The following XPO6 variants were observed in gnomAD, a reference collection of about 807,000 sequenced individuals.
The protein encoded by XPO6 is exportin 6.
In XPO6, 3 loss-of-function variants were observed where a neutral mutation model predicts 130.0. That is an observed-to-expected ratio of 0.02 (90% CI 0.01 to 0.06). The LOEUF is 0.06. XPO6 is among the 10% of genes least tolerant of loss of function. XPO6 has a pLI of 1.00. For missense variants in XPO6, 970 were observed against 1,393.0 expected (o/e 0.70, Z 4.83); for synonymous variants, 524 against 548.9 (o/e 0.95, Z 0.63).
At chr16:28,203,275 C>CAA (rs1217549078) in intron 1 of XPO6, among the ~76,000 whole-genome samples, 4 of 76,244 alleles carry the variant, frequency 5.2e-5, no homozygotes, top group Admixed American at 1.5e-4. Flanking sequence ...GACCCCATCT[C>CAA]AAAAAAAAAA....
chr16:28,156,629 T>C, intron 6 of XPO6, 102 bp from the exon 7 acceptor site: 2 of 682,302 alleles, frequency 2.9e-6, no homozygotes, highest in Non-Finnish European at 4.3e-6. Flanking sequence ...TGTATACATA[T>C]ATGTATCAGT....
intron 21 of XPO6, among the ~76,000 whole-genome samples, chr16:28,102,384 C>G (rs770152805): frequency 1.3e-5 from 2 of 152,176 alleles, no homozygotes; most frequent in Non-Finnish European, 1.5e-5. Context: ...GGAGGTTAAG[C>G]CTCTGCCTGG....
intron 12 of XPO6, chr16:28,126,753 TCAGAGACCTGCAGGAA>T (rs1287827090): frequency 3.3e-5 from 5 of 152,248 alleles, no homozygotes; most frequent in East Asian, 3.9e-4. Context: ...GTAAGAATTT[TCAGAGACCTGCAGGAA>T]CAGAGACCTG....
chr16:28,190,487 G>T lies in XPO6; in HGVS notation c.4-9456C>A, dbSNP rs183933103. On this transcript the variant is annotated intron_variant, in intron 1 of 23. Coordinates refer to ENST00000304658, the MANE Select transcript of XPO6 (RefSeq NM_015171.4). ...ATACCGCCCACCTCGGCCTCCCAAAGTGCTGGGATTACAGGCCTGAGCCAG... is the reference window on the plus strand; with the variant it reads ...ATACCGCCCACCTCGGCCTCCCAAATTGCTGGGATTACAGGCCTGAGCCAG... 2.0e-5 allele frequency among the ~76,000 whole-genome samples: 3 copies of T among 152,240 alleles called. No individual in the cohort carries two copies. In the East Asian group the frequency reaches 5.8e-4, roughly 29 times the overall value.
At chr16:28,165,994 T>C (rs2043350501) in intron 6 of XPO6, among the ~76,000 whole-genome samples, 1 of 152,240 alleles carries the variant, frequency 6.6e-6, no homozygotes, top group Admixed American at 6.5e-5. Flanking sequence ...TCTGCAAATA[T>C]GCCCCGCTTT....
chr16:28,183,116 C>T (rs984482072), intron 1 of XPO6, among the ~76,000 whole-genome samples: 1 of 152,140 alleles, frequency 6.6e-6, no homozygotes, highest in Non-Finnish European at 1.5e-5. Flanking sequence ...CAATCAACCA[C>T]CACCATTTAT....
intron 8 of XPO6, among the ~76,000 whole-genome samples, chr16:28,146,830 G>A (rs2042991277): frequency 6.6e-6 from 1 of 152,228 alleles, no homozygotes; most frequent in Non-Finnish European, 1.5e-5. Context: ...GTGCTGATGT[G>A]GAGGAACAAA....
Position 28,128,144 on chromosome 16 carries a change from C to T in XPO6, c.1607-2296G>A, listed in dbSNP as rs183223657. Among the ~76,000 whole-genome samples, 36 of 152,302 alleles carry T rather than the reference C, an allele frequency of 2.4e-4. No homozygotes were observed. The East Asian group carries it at 6.4e-3, about 27-fold the overall frequency. On this transcript the variant is annotated intron_variant, in intron 12 of 23. Coordinates refer to ENST00000304658, the MANE Select transcript of XPO6 (RefSeq NM_015171.4). Reference sequence around the variant, plus strand: ...AGTTAACTGAAGTGCCAAAATTATACACCCTCTGAATGTCAATGGGATTTT... The same window carrying T: ...AGTTAACTGAAGTGCCAAAATTATATACCCTCTGAATGTCAATGGGATTTT...
intron 14 of XPO6, 84 bp downstream of exon 14, chr16:28,121,586 T>G: frequency 9.8e-7 from 1 of 1,024,316 alleles, no homozygotes; most frequent in Non-Finnish European, 1.5e-6. Context: ...CAGCCACTAC[T>G]GTTCCTTTTT....
chr16:28,195,614 G>A (rs1297304454), intron 1 of XPO6, among the ~76,000 whole-genome samples: 1 of 152,162 alleles, frequency 6.6e-6, no homozygotes, highest in Non-Finnish European at 1.5e-5. Context: ...TTAGCCAGGT[G>A]TGGTGGCGTG....
intron 9 of XPO6, among the ~76,000 whole-genome samples, chr16:28,144,199 T>G (rs10521144): frequency 0.051 from 7,834 of 152,258 alleles, 534 homozygotes; most frequent in East Asian, 0.18. Flanking sequence ...TGTAATACGA[T>G]TTCTGATATA....
intron 1 of XPO6, among the ~76,000 whole-genome samples, chr16:28,204,296 G>T (rs980802085): frequency 2.0e-5 from 3 of 152,020 alleles, no homozygotes; most frequent in Non-Finnish European, 4.4e-5. Flanking sequence ...AGTAAAGCAG[G>T]ATGTCAGGGA....
chr16:28,202,331 G>A (rs139010412), intron 1 of XPO6, among the ~76,000 whole-genome samples: 2 of 152,342 alleles, frequency 1.3e-5, no homozygotes, highest in Non-Finnish European at 2.9e-5. Flanking sequence ...GGAACCCTCT[G>A]CTCTGAATGA....
At chr16:28,150,856 G>T (rs2043073502) in intron 8 of XPO6, among the ~76,000 whole-genome samples, 1 of 151,950 alleles carries the variant, frequency 6.6e-6, no homozygotes, top group African/African-American at 2.4e-5. Flanking sequence ...CACCTCTGAT[G>T]CTTCTCCCCT....
At chr16:28,187,308 G>A (rs2043710933) in intron 1 of XPO6, among the ~76,000 whole-genome samples, 1 of 152,146 alleles carries the variant, frequency 6.6e-6, no homozygotes, top group Admixed American at 6.5e-5. Context: ...TTACAGTACA[G>A]ATCAGGTCAT....
chr16:28,119,534 G>A (rs370845613), intron 14 of XPO6, among the ~76,000 whole-genome samples: 23 of 152,174 alleles, frequency 1.5e-4, no homozygotes, highest in African/African-American at 3.6e-4. Context: ...TCTGCAAAAG[G>A]TCCTCAGTCA....
At chr16:28,108,350 C>T (rs751889393) in intron 17 of XPO6, among the ~76,000 whole-genome samples, 10 of 152,132 alleles carry the variant, frequency 6.6e-5, no homozygotes, top group Non-Finnish European at 1.3e-4. Flanking sequence ...TGTAGTGGGC[C>T]GCAAACAGGC....
chr16:28,205,433 T>C (rs1046728412), intron 1 of XPO6, among the ~76,000 whole-genome samples: 3 of 152,150 alleles, frequency 2.0e-5, no homozygotes, highest in Admixed American at 2.0e-4. Flanking sequence ...CCTTCAAGAC[T>C]CAAATATACC....
At chr16:28,192,436 T>C (rs1370210397) in intron 1 of XPO6, among the ~76,000 whole-genome samples, 1 of 152,122 alleles carries the variant, frequency 6.6e-6, no homozygotes, top group African/African-American at 2.4e-5. Flanking sequence ...TCTTTGTCAA[T>C]GGCAAAGCTG....
Sources: allele counts gnomAD v4.1 joint callset (sites outside exome capture counted in the v4.1 genomes callset), GRCh38; gene constraint gnomAD v4.1.1; transcripts MANE v1.5; gene names NCBI Gene and HGNC (gene_info 2026-07-23, HGNC 2026-07-21).